The following FHIT variants were observed in gnomAD, a reference collection of about 807,000 sequenced individuals.
The protein encoded by FHIT is fragile histidine triad diadenosine triphosphatase.
In FHIT, 19 loss-of-function variants were observed where a neutral mutation model predicts 17.9. The ratio of observed to expected loss-of-function variants is 1.06; its 90% CI spans 0.74 to 1.56. The LOEUF (loss-of-function observed/expected upper bound fraction) is 1.56, where lower values mean the gene tolerates loss of function less well. FHIT is among the 40% of genes most tolerant of loss of function. FHIT has a pLI of 0.00. For synonymous variants in FHIT, 81 were observed against 69.7 expected (o/e 1.16, Z -0.81); for missense variants, 248 against 189.2 (o/e 1.31, Z -1.82).
At chr3:60,150,918 C>CA (rs57120371) in intron 5 of FHIT, among the ~76,000 whole-genome samples, 23,903 of 122,778 alleles carry the variant, frequency 0.19, 2,701 homozygotes, top group East Asian at 0.45. Context: ...GACTCCGCCT[C>CA]AAAAAAAAAA....
In FHIT at chr3:60,560,858, G is replaced by GAA. The variant is rs1310484625; in HGVS notation, c.-17-23880_-17-23879insTT. On this transcript the variant is annotated intron_variant, in intron 4 of 9. Coordinates refer to ENST00000492590, the MANE Select transcript of FHIT (RefSeq NM_002012.4). ...ACACACACACACAGAGAGAGAGAGA[G>GAA]TGTGTGTGTGTGTGTCAAGGAGAGG... Among the ~76,000 whole-genome samples, 6 of 142,026 alleles carry GAA rather than the reference G, an allele frequency of 4.2e-5. No individual in the cohort carries two copies. The East Asian group carries it at 1.0e-3, about 24-fold the overall frequency. The allele number at this position is 142,026 out of a possible 152,430, so 93.2% of individuals were successfully genotyped here. A position where few individuals can be genotyped will look rare whatever the true frequency, so the allele number is the denominator to read the frequency against.
chr3:60,120,532 A>T (rs1705199792), intron 5 of FHIT, among the ~76,000 whole-genome samples: 1 of 152,216 alleles, frequency 6.6e-6, no homozygotes, highest in African/African-American at 2.4e-5. Context: ...GCAATTTCCT[A>T]TTTGATTAAG....
intron 5 of FHIT, among the ~76,000 whole-genome samples, chr3:60,366,749 T>C (rs573994289): frequency 1.3e-5 from 2 of 152,296 alleles, no homozygotes; most frequent in South Asian, 4.1e-4. Flanking sequence ...TCATGAGCTG[T>C]ATAAATCTCT....
chr3:60,370,750 A>T (rs144849459), intron 5 of FHIT, among the ~76,000 whole-genome samples: 1 of 152,232 alleles, frequency 6.6e-6, no homozygotes, highest in East Asian at 1.9e-4. Context: ...TTTAAAAATC[A>T]CTCACTCTAT....
At chr3:60,348,954 T>G (rs1710936596) in intron 5 of FHIT, among the ~76,000 whole-genome samples, 1 of 152,196 alleles carries the variant, frequency 6.6e-6, no homozygotes, top group African/African-American at 2.4e-5. Context: ...TGATTGAACT[T>G]AGCCAACCTC....
At chr3:59,870,799 CA>C (rs1431868919) in intron 8 of FHIT, among the ~76,000 whole-genome samples, 1 of 152,172 alleles carries the variant, frequency 6.6e-6, no homozygotes, top group Non-Finnish European at 1.5e-5. Flanking sequence ...AGCAGACACA[CA>C]TAGGCACATT....
rs146011971 is a variant in FHIT, at chr3:60,169,252, T to C, written c.104-155100A>G. ...AGAAACACACGAAGAGAAATTCCAA[T>C]GAAACAAAAGGAATATCTGAAGGAT... On this transcript the variant is annotated intron_variant, in intron 5 of 9. Coordinates refer to ENST00000492590, the MANE Select transcript of FHIT (RefSeq NM_002012.4). Among the ~76,000 whole-genome samples, 254 of 152,216 alleles carry C rather than the reference T, an allele frequency of 1.7e-3. 1 individual carries two copies. Among genetic ancestry groups the C allele is most frequent in the Middle Eastern group, 6.8e-3 (2 of 292 alleles).
intron 4 of FHIT, among the ~76,000 whole-genome samples, chr3:60,787,202 A>T (rs1700613791): frequency 6.6e-6 from 1 of 152,218 alleles, no homozygotes; most frequent in Non-Finnish European, 1.5e-5. Flanking sequence ...TAGAAAAAAT[A>T]TATTTATATA....
chr3:60,121,711 C>CAAA (rs71909078), intron 5 of FHIT, among the ~76,000 whole-genome samples: 6,377 of 71,518 alleles, frequency 0.089, 152 homozygotes, highest in Non-Finnish European at 0.1. Flanking sequence ...ACAAAACAAA[C>CAAA]ACACACACAC....
At chr3:61,152,873 G>T (rs1419693679) in intron 2 of FHIT, among the ~76,000 whole-genome samples, 1 of 152,182 alleles carries the variant, frequency 6.6e-6, no homozygotes, top group Non-Finnish European at 1.5e-5. Flanking sequence ...GCTGGGTGCG[G>T]TGGCTCACAC....
intron 2 of FHIT, among the ~76,000 whole-genome samples, chr3:61,110,258 C>T (rs1199715957): frequency 6.6e-6 from 1 of 152,170 alleles, no homozygotes; most frequent in Non-Finnish European, 1.5e-5. Flanking sequence ...TTTCCTCAAA[C>T]AGGCCTGCTA....
At chr3:59,939,615 T>C (rs1202257809) in intron 7 of FHIT, among the ~76,000 whole-genome samples, 1 of 152,198 alleles carries the variant, frequency 6.6e-6, no homozygotes, top group Non-Finnish European at 1.5e-5. Context: ...ACTTGACATG[T>C]GAAAAAATGA....
intron 8 of FHIT, among the ~76,000 whole-genome samples, chr3:59,918,949 TG>T (rs2107177422): frequency 6.6e-6 from 1 of 152,244 alleles, no homozygotes; most frequent in South Asian, 2.1e-4. Flanking sequence ...GGAAGTAGGC[TG>T]GGAATGAGAA....
chr3:60,086,323 A>G (rs1245279214), intron 5 of FHIT, among the ~76,000 whole-genome samples: 2 of 152,158 alleles, frequency 1.3e-5, no homozygotes, highest in East Asian at 3.9e-4. Context: ...TCAAGTTTCA[A>G]CATGTGGTTT....
intron 4 of FHIT, among the ~76,000 whole-genome samples, chr3:60,811,633 C>A (rs1391434327): frequency 6.6e-6 from 1 of 152,096 alleles, no homozygotes; most frequent in African/African-American, 2.4e-5. Flanking sequence ...TAACAAGAAT[C>A]CATGTCACCT....
intron 3 of FHIT, among the ~76,000 whole-genome samples, chr3:60,955,611 T>TATATATATATATATATATATAC (rs1709096291): frequency 5.9e-5 from 1 of 16,894 alleles, no homozygotes; most frequent in Admixed American, 1.0e-3. Flanking sequence ...TATATATATA[T>TATATATATATATATATATATAC]ATATATATAT....
chr3:61,079,388 T>G (rs947741925), intron 2 of FHIT, among the ~76,000 whole-genome samples: 1 of 152,080 alleles, frequency 6.6e-6, no homozygotes, highest in Non-Finnish European at 1.5e-5. Context: ...ATTTAAAAAA[T>G]TTGGATACCA....
At chr3:60,630,575 C>T (rs1350052856) in intron 4 of FHIT, among the ~76,000 whole-genome samples, 3 of 152,190 alleles carry the variant, frequency 2.0e-5, no homozygotes, top group Admixed American at 2.0e-4. Flanking sequence ...TAATTGTGTT[C>T]TAGATGCAAG....
At chr3:61,182,668 A>C (rs1032122541) in intron 2 of FHIT, among the ~76,000 whole-genome samples, 1 of 152,124 alleles carries the variant, frequency 6.6e-6, no homozygotes, top group East Asian at 1.9e-4. Flanking sequence ...CTGTCCTATT[A>C]ATGAGATTAA....
Sources: allele counts gnomAD v4.1 joint callset (sites outside exome capture counted in the v4.1 genomes callset), GRCh38; gene constraint gnomAD v4.1.1; transcripts MANE v1.5; gene names NCBI Gene and HGNC (gene_info 2026-07-23, HGNC 2026-07-21).